Variants in ADGRG7 observed in about 807,000 individuals in gnomAD.
ADGRG7 encodes adhesion G protein-coupled receptor G7.
In ADGRG7, 82 loss-of-function variants were observed where a neutral mutation model predicts 88.6. That is an observed-to-expected ratio of 0.93 (90% CI 0.77 to 1.11). The LOEUF (loss-of-function observed/expected upper bound fraction) is 1.11. Ranked by LOEUF, ADGRG7 falls within the 50% of genes most tolerant of loss-of-function variation. The probability of loss-of-function intolerance (pLI) is 0.00; values close to 1 mark genes in which losing one functional copy is unlikely to be tolerated. For missense variants in ADGRG7, 945 were observed against 953.4 expected, an observed-to-expected ratio of 0.99 and a Z score of 0.12; for synonymous variants, 381 against 345.2, an observed-to-expected ratio of 1.10 and a Z score of -1.15.
At chr3:100,628,270 A>T (rs955671694) in intron 1 of ADGRG7, among the ~76,000 whole-genome samples, 11 of 151,552 alleles carry the variant, frequency 7.3e-5, no homozygotes, top group Non-Finnish European at 1.3e-4. Context: ...TTTTTTTTTT[A>T]AAAACGTTTG....
chr3:100,691,776 A>T (rs1318540091), intron 15 of ADGRG7, among the ~76,000 whole-genome samples: 2 of 148,048 alleles, frequency 1.4e-5, no homozygotes, highest in African/African-American at 4.9e-5. Context: ...AATATGACTC[A>T]TTATCAAATA....
rs1707676289 is a variant in ADGRG7, at chr3:100,643,303, G to T, written c.736G>T (p.Gly246Cys). ...EQMETYSLSL[G>C]NQSVVEPNIA... ...AATGGAGACTTATTCCTTGTCTTTG[G>T]GTAATCAATCAGTGGTGGAACCTAA... Residue 246 changes from glycine to cysteine, a missense_variant, in exon 7 of 16, where the codon GGT becomes TGT. Gly to Cys is a radical substitution (Grantham distance 159). Coordinates refer to ENST00000273352, the MANE Select transcript of ADGRG7 (RefSeq NM_032787.3). 1 of 1,613,848 alleles carries T rather than the reference G, an allele frequency of 6.2e-7. No homozygotes were observed. The highest frequency in any genetic ancestry group is 1.1e-5 in the South Asian group (1 of 91,032).
chr3:100,672,425 G>C (rs1408574598), intron 15 of ADGRG7, among the ~76,000 whole-genome samples: 1 of 152,196 alleles, frequency 6.6e-6, no homozygotes, highest in African/African-American at 2.4e-5. Flanking sequence ...AGACATTACT[G>C]AAGTTGCTTA....
At chr3:100,631,965 T>G (rs2149017722) in intron 3 of ADGRG7, among the ~76,000 whole-genome samples, 1 of 152,232 alleles carries the variant, frequency 6.6e-6, no homozygotes, top group East Asian at 1.9e-4. Flanking sequence ...TCCTGAATTT[T>G]TTACTCACAG....
At chr3:100,619,423 T>C (rs1471230962) in intron 1 of ADGRG7, among the ~76,000 whole-genome samples, 2 of 152,042 alleles carry the variant, frequency 1.3e-5, no homozygotes, top group African/African-American at 2.4e-5. Flanking sequence ...TAGAGGGAAA[T>C]TTATAGCACT....
intron 14 of ADGRG7, among the ~76,000 whole-genome samples, chr3:100,662,390 A>G (rs2094946685): frequency 6.6e-6 from 1 of 152,208 alleles, no homozygotes; most frequent in Non-Finnish European, 1.5e-5. Context: ...TGCATTAGGC[A>G]TTTAGTAAAC....
At chr3:100,648,227 G>T (rs1179076552) in intron 10 of ADGRG7, among the ~76,000 whole-genome samples, 2 of 151,972 alleles carry the variant, frequency 1.3e-5, no homozygotes, top group Non-Finnish European at 2.9e-5. Flanking sequence ...TTTCTCATTA[G>T]TATCTGACTG....
intron 15 of ADGRG7, among the ~76,000 whole-genome samples, chr3:100,686,610 C>T (rs1040354904): frequency 3.3e-4 from 50 of 152,274 alleles, no homozygotes; most frequent in African/African-American, 1.2e-3. Flanking sequence ...CCAGTTTTCC[C>T]AGCACTATTT....
At chr3:100,668,529 A>G (rs757871185) in intron 14 of ADGRG7, among the ~76,000 whole-genome samples, 2 of 152,196 alleles carry the variant, frequency 1.3e-5, no homozygotes, top group Non-Finnish European at 2.9e-5. Flanking sequence ...CCACAAGAGG[A>G]AGAAGATCAC....
At chr3:100,688,317 C>G (rs1163574541) in intron 15 of ADGRG7, among the ~76,000 whole-genome samples, 1 of 151,986 alleles carries the variant, frequency 6.6e-6, no homozygotes, top group Non-Finnish European at 1.5e-5. Flanking sequence ...TTGATCTTTT[C>G]AAAAAACCAG....
intron 15 of ADGRG7, among the ~76,000 whole-genome samples, chr3:100,688,639 G>A (rs1230262106): frequency 6.6e-6 from 1 of 152,192 alleles, no homozygotes; most frequent in Non-Finnish European, 1.5e-5. Flanking sequence ...TATGTACCCA[G>A]TATTCATTCA....
At chr3:100,654,302 A>G (rs147911022) in intron 11 of ADGRG7, 29 of 152,396 alleles carry the variant, frequency 1.9e-4, no homozygotes, top group African/African-American at 6.3e-4. Flanking sequence ...ATTTTATTTT[A>G]TGATTGCATA....
intron 15 of ADGRG7, among the ~76,000 whole-genome samples, chr3:100,686,193 A>T (rs2094982332): frequency 6.6e-6 from 1 of 151,806 alleles, no homozygotes. Context: ...GTGTCTGTTC[A>T]TATCCTTTGC....
intron 15 of ADGRG7, among the ~76,000 whole-genome samples, chr3:100,688,553 T>C (rs971104730): frequency 3.3e-5 from 5 of 152,226 alleles, no homozygotes; most frequent in Admixed American, 6.5e-5. Flanking sequence ...TTTGAATGTG[T>C]CCCAGAGATT....
At chr3:100,623,381 T>G (rs1707339556) in intron 1 of ADGRG7, among the ~76,000 whole-genome samples, 1 of 152,122 alleles carries the variant, frequency 6.6e-6, no homozygotes, top group Admixed American at 6.6e-5. Context: ...ATGGGCCATA[T>G]ATGTTTTATC....
At chr3:100,613,239 A>G (rs938754159) in intron 1 of ADGRG7, among the ~76,000 whole-genome samples, 2 of 152,226 alleles carry the variant, frequency 1.3e-5, no homozygotes, top group African/African-American at 4.8e-5. Flanking sequence ...AAGGTCAATG[A>G]GAGTTTATTG....
At chr3:100,635,619 C>A in intron 4 of ADGRG7, 58 bp from the exon 5 acceptor site, 1 of 1,570,816 alleles carries the variant, frequency 6.4e-7, no homozygotes, top group Non-Finnish European at 8.6e-7. Flanking sequence ...CAGTTGCTTA[C>A]AAAGTGTTTG....
chr3:100,694,967 T>A lies in ADGRG7; in HGVS notation c.2360T>A (p.Leu787His), dbSNP rs371273623. The change falls in exon 16 of 16, where the codon CTC becomes CAC. Residue 787 changes from leucine to histidine, a missense_variant. Transcript: ENST00000273352. ...ETSPSTEEIT[L>H]SESDNAKESI ...TCTCCGAGTACTGAGGAAATCACAC[T>A]CTCTGAAAGTGACAATGCAAAGGAA... 6.8e-6 allele frequency: 11 copies of A among 1,614,066 alleles called. No individual in the cohort carries two copies. Among genetic ancestry groups the A allele is most frequent in the Non-Finnish European group, 9.3e-6 (11 of 1,180,030 alleles).
intron 13 of ADGRG7, among the ~76,000 whole-genome samples, chr3:100,657,449 T>C (rs566571563): frequency 6.6e-6 from 1 of 152,312 alleles, no homozygotes; most frequent in South Asian, 2.1e-4. Context: ...ATAGACCCAG[T>C]TACAGGGTGA....
Sources: allele counts gnomAD v4.1 joint callset (sites outside exome capture counted in the v4.1 genomes callset), GRCh38; gene constraint gnomAD v4.1.1; transcripts MANE v1.5; gene names NCBI Gene and HGNC (gene_info 2026-07-23, HGNC 2026-07-21).